Variants in COA1 observed in about 807,000 individuals in gnomAD.
COA1 encodes the protein cytochrome c oxidase assembly factor 1 homolog.
In COA1, 13 loss-of-function variants were observed where a neutral mutation model predicts 16.0. The observed-to-expected ratio is 0.81, with a 90% confidence interval of 0.53 to 1.29. The LOEUF is 1.29. Among genes scored for constraint, COA1 ranks in the 50% most tolerant of loss-of-function variants. The pLI is 0.00. For missense variants in COA1, 179 were observed against 177.0 expected (o/e 1.01, Z -0.06); for synonymous variants, 65 against 65.7 (o/e 0.99, Z 0.05).
At chr7:43,624,461 C>T (rs2084266392) in intron 6 of COA1, 10 of 1,501,846 alleles carry the variant, frequency 6.7e-6, no homozygotes. Flanking sequence ...GTACCTTATG[C>T]TCTAATTTTA....
intron 4 of COA1, 106 bp downstream of exon 4, chr7:43,645,145 G>T: frequency 9.6e-7 from 1 of 1,045,206 alleles, no homozygotes; most frequent in Non-Finnish European, 1.3e-6. Flanking sequence ...TTTACTTAGT[G>T]GATTTTCCCA....
chr7:43,631,469 GC>G (rs1563188858), intron 6 of COA1: 1 of 152,236 alleles, frequency 6.6e-6, no homozygotes, highest in Non-Finnish European at 1.5e-5. Flanking sequence ...CAAGTGATCT[GC>G]CCACCTTGGT....
chr7:43,648,548 G>C, intron 2 of COA1, 52 bp downstream of exon 2: 1 of 1,597,434 alleles, frequency 6.3e-7, no homozygotes, highest in Non-Finnish European at 8.6e-7. Flanking sequence ...TCTAACTCGA[G>C]AATACCCTGG....
chr7:43,614,044 A>G (rs1407619469), intron 6 of COA1, among the ~76,000 whole-genome samples: 1 of 152,148 alleles, frequency 6.6e-6, no homozygotes, highest in East Asian at 1.9e-4. Flanking sequence ...CCTGGGTTTT[A>G]ATAGTTAATA....
At chr7:43,628,711 C>T (rs576040647) in intron 6 of COA1, among the ~76,000 whole-genome samples, 1 of 152,104 alleles carries the variant, frequency 6.6e-6, no homozygotes, top group Non-Finnish European at 1.5e-5. Context: ...ATGGACAGTA[C>T]TTTTCATGTC....
intron 1 of COA1, among the ~76,000 whole-genome samples, chr7:43,684,532 T>C (rs2093925564): frequency 6.6e-6 from 1 of 152,158 alleles, no homozygotes; most frequent in Admixed American, 6.5e-5. Flanking sequence ...CGTGCATTAC[T>C]TTCACCATAT....
intron 1 of COA1, among the ~76,000 whole-genome samples, chr7:43,666,845 A>G: frequency 6.6e-6 from 1 of 152,246 alleles, no homozygotes; most frequent in Non-Finnish European, 1.5e-5. Flanking sequence ...ACCAAAAATA[A>G]AAGTTGCTAA....
At position 43,645,286 on chromosome 7, in the gene COA1, C is replaced by T. The variant is rs1220069158; in HGVS notation, c.229G>A (p.Asp77Asn). 2.5e-6 allele frequency: 4 copies of T among 1,614,022 alleles called. No homozygotes were observed. The highest frequency in any genetic ancestry group is 1.6e-4 in the Middle Eastern group (1 of 6,062). Residue 77 changes from aspartate to asparagine, a missense_variant, in exon 4 of 6, where the codon GAC (aspartate) becomes AAC (asparagine). Physicochemically the swap from Asp to Asn is conservative, Grantham distance 23 (BLOSUM62 1). Coordinates refer to ENST00000223336, the MANE Select transcript of COA1 (RefSeq NM_018224.4). ...PLNIHYLKLIDRENFVDIVDA... is the reference protein window; with the variant it reads ...PLNIHYLKLINRENFVDIVDA... ...ACAATGTCCACGAAGTTTTCCCTGT[C>T]GATGAGCTTGAGATAATGGATGTTG...
intron 1 of COA1, among the ~76,000 whole-genome samples, chr7:43,697,224 T>A (rs1034267972): frequency 1.2e-4 from 19 of 152,226 alleles, no homozygotes; most frequent in African/African-American, 4.3e-4. Context: ...GTATTTGTTA[T>A]GTTATTCTCT....
chr7:43,681,473 G>A (rs756286459), intron 1 of COA1, among the ~76,000 whole-genome samples: 30 of 152,068 alleles, frequency 2.0e-4, no homozygotes, highest in African/African-American at 3.9e-4. Flanking sequence ...ATTTTCTTCC[G>A]CATCTTTGGG....
chr7:43,654,265 C>T (rs1249045331), intron 1 of COA1, among the ~76,000 whole-genome samples: 3 of 152,180 alleles, frequency 2.0e-5, no homozygotes, highest in African/African-American at 7.2e-5. Context: ...CCCCACCCCA[C>T]TCTGTTTCTA....
At chr7:43,680,283 CAAAAAA>C (rs552891478) in intron 1 of COA1, among the ~76,000 whole-genome samples, 6 of 73,002 alleles carry the variant, frequency 8.2e-5, no homozygotes, top group Admixed American at 1.3e-4. Flanking sequence ...GACAGGGAGA[CAAAAAA>C]AAAAAAAAAA....
chr7:43,649,857 G>A (rs1011998722), intron 1 of COA1: 4 of 142,534 alleles, frequency 2.8e-5, no homozygotes, highest in African/African-American at 1.1e-4. Flanking sequence ...GCAGCAGCCT[G>A]GTTAGTGCAA....
intron 1 of COA1, among the ~76,000 whole-genome samples, chr7:43,686,276 T>A (rs2094016298): frequency 2.0e-5 from 1 of 49,928 alleles, no homozygotes; most frequent in Non-Finnish European, 3.7e-5. Flanking sequence ...GGAGGTACTG[T>A]GTTCTGGCTA....
chr7:43,614,731 T>C (rs2083190159), intron 6 of COA1, among the ~76,000 whole-genome samples: 1 of 152,204 alleles, frequency 6.6e-6, no homozygotes, highest in Non-Finnish European at 1.5e-5. Flanking sequence ...TTAACTTCAT[T>C]TTTAGAAAGT....
At chr7:43,644,789 G>GAGAGACAGA (rs1442537142) in intron 4 of COA1, among the ~76,000 whole-genome samples, 76 of 104,440 alleles carry the variant, frequency 7.3e-4, no homozygotes, top group Admixed American at 1.8e-3. Context: ...CAGGCAGGCA[G>GAGAGACAGA]GCAGAGAGAC....
chr7:43,681,664 T>C (rs2093775178), intron 1 of COA1, among the ~76,000 whole-genome samples: 1 of 152,128 alleles, frequency 6.6e-6, no homozygotes, highest in Non-Finnish European at 1.5e-5. Flanking sequence ...TTTGGTTAGG[T>C]TTTAAGTGTA....
intron 4 of COA1, among the ~76,000 whole-genome samples, chr7:43,644,802 A>AGAGAGAGAGAGAGG: frequency 7.7e-6 from 1 of 129,046 alleles, no homozygotes; most frequent in Non-Finnish European, 1.7e-5. Context: ...AGAGAGACAG[A>AGAGAGAGAGAGAGG]GAGAGAGAGA....
chr7:43,655,619 G>A (rs1455786967), intron 1 of COA1, among the ~76,000 whole-genome samples: 6 of 152,068 alleles, frequency 3.9e-5, no homozygotes, highest in South Asian at 4.1e-4. Context: ...CTGAGATTGC[G>A]CCACTGCACT....
Sources: gnomAD v4.1 joint callset for allele counts (sites outside exome capture counted in the v4.1 genomes callset) on GRCh38, gnomAD v4.1.1 for gene constraint, MANE v1.5 for transcripts, NCBI Gene and HGNC (gene_info 2026-07-23, HGNC 2026-07-21) for gene names.